ZFYVE9: variants seen among roughly 807,000 people sequenced by gnomAD.
ZFYVE9 encodes the protein zinc finger FYVE domain-containing protein 9.
ZFYVE9 carries 43 observed loss-of-function variants against 126.7 expected under a neutral mutation model. The ratio of observed to expected loss-of-function variants is 0.34; its 90% CI spans 0.27 to 0.44. The LOEUF (loss-of-function observed/expected upper bound fraction) is 0.44, where lower values mean the gene tolerates loss of function less well. Among genes scored for constraint, ZFYVE9 ranks in the 20% least tolerant of loss-of-function variants. The pLI is 1.00. For missense variants in ZFYVE9, 1,476 were observed against 1,697.0 expected (o/e 0.87, Z 2.29); for synonymous variants, 521 against 597.4 (o/e 0.87, Z 1.87).
At chr1:52,280,411 C>A (rs898704287) in intron 9 of ZFYVE9, among the ~76,000 whole-genome samples, 1 of 151,356 alleles carries the variant, frequency 6.6e-6, no homozygotes, top group Non-Finnish European at 1.5e-5. Context: ...AACCTAGATT[C>A]TTGAAGTATA....
chr1:52,203,498 T>TA (rs1335520266), intron 1 of ZFYVE9, among the ~76,000 whole-genome samples: 5 of 139,682 alleles, frequency 3.6e-5, no homozygotes, highest in Non-Finnish European at 4.6e-5. Flanking sequence ...TTTAAGAGAT[T>TA]AAAAAAATTT....
intron 4 of ZFYVE9, among the ~76,000 whole-genome samples, chr1:52,240,263 TAAGG>T (rs1222763051): frequency 2.0e-5 from 3 of 152,204 alleles, no homozygotes; most frequent in Non-Finnish European, 4.4e-5. Context: ...GAGTTGTAAA[TAAGG>T]AAGGAAGGAG....
intron 13 of ZFYVE9, among the ~76,000 whole-genome samples, chr1:52,322,851 C>G (rs921714200): frequency 4.0e-5 from 6 of 150,600 alleles, no homozygotes; most frequent in Non-Finnish European, 7.4e-5. Context: ...ATCGCCCAGG[C>G]TGGAGTGCAG....
intron 1 of ZFYVE9, among the ~76,000 whole-genome samples, chr1:52,193,819 T>C (rs1288772): frequency 0.97 from 146,707 of 151,846 alleles, 70,887 homozygotes; most frequent in East Asian, 1. Flanking sequence ...CACACACACA[T>C]GTGTCCAAGG....
chr1:52,144,075 G>A (rs949192707), intron 1 of ZFYVE9, among the ~76,000 whole-genome samples: 2 of 152,160 alleles, frequency 1.3e-5, no homozygotes, highest in African/African-American at 4.8e-5. Flanking sequence ...ACGTAAGCAA[G>A]ATGCCCCTCT....
chr1:52,183,607 A>G (rs928803529), intron 1 of ZFYVE9, among the ~76,000 whole-genome samples: 2 of 151,736 alleles, frequency 1.3e-5, no homozygotes, highest in Non-Finnish European at 2.9e-5. Context: ...GGTTCAAGTA[A>G]TTCTCCTGTC....
At chr1:52,180,602 A>T (rs973135066) in intron 1 of ZFYVE9, 6 of 556,216 alleles carry the variant, frequency 1.1e-5, no homozygotes, top group East Asian at 3.1e-5. Context: ...TGGATTTTTT[A>T]AAAAAGGATA....
chr1:52,280,312 G>A (rs955978725), intron 9 of ZFYVE9, among the ~76,000 whole-genome samples: 5 of 151,432 alleles, frequency 3.3e-5, no homozygotes, highest in South Asian at 2.1e-4. Flanking sequence ...CCCAGGAGAC[G>A]GAGGTTGCAG....
chr1:52,171,407 CAT>C (rs1220087347), intron 1 of ZFYVE9, among the ~76,000 whole-genome samples: 1 of 152,158 alleles, frequency 6.6e-6, no homozygotes, highest in Admixed American at 6.5e-5. Context: ...CATTGTTGGA[CAT>C]TTGGGTTGGT....
intron 2 of ZFYVE9, among the ~76,000 whole-genome samples, chr1:52,222,489 C>T (rs567700489): frequency 9.2e-5 from 14 of 152,264 alleles, no homozygotes; most frequent in Middle Eastern, 3.4e-3. Flanking sequence ...ACAGGGTGGG[C>T]GGTTTGAACT....
intron 4 of ZFYVE9, among the ~76,000 whole-genome samples, chr1:52,242,591 A>G (rs956612272): frequency 4.6e-5 from 7 of 152,088 alleles, no homozygotes; most frequent in African/African-American, 1.4e-4. Context: ...GATGGTATCA[A>G]ATTTAGATAT....
At chr1:52,319,993 C>CA (rs1646223335) in intron 13 of ZFYVE9, among the ~76,000 whole-genome samples, 1 of 139,146 alleles carries the variant, frequency 7.2e-6, no homozygotes, top group African/African-American at 2.7e-5. Flanking sequence ...AGCCTGGTGA[C>CA]AGAGAGGGGG....
At chr1:52,271,283 A>G (rs1226351324) in intron 7 of ZFYVE9, among the ~76,000 whole-genome samples, 3 of 152,196 alleles carry the variant, frequency 2.0e-5, no homozygotes, top group African/African-American at 7.2e-5. Flanking sequence ...ACATTGTGCA[A>G]CACTCTAATA....
intron 13 of ZFYVE9, among the ~76,000 whole-genome samples, chr1:52,305,920 G>C (rs985178618): frequency 6.6e-6 from 1 of 152,172 alleles, no homozygotes; most frequent in Non-Finnish European, 1.5e-5. Context: ...TCTGGACTTT[G>C]GGCACTGACA....
chr1:52,282,504 A>G lies in ZFYVE9; in HGVS notation c.3025+688A>G, dbSNP rs1203099382. ...AGTACATAATATCTGTATTTGATAA[A>G]TAGGGTTTATCTTTGAGGAAGAAGG... On this transcript the variant is annotated intron_variant, in intron 10 of 18. Transcript: ENST00000287727. Among the ~76,000 whole-genome samples the G allele has an allele frequency of 2.0e-5, 3 of 152,308 alleles. No homozygotes were observed. In the East Asian group the frequency reaches 5.8e-4, roughly 29 times the overall value.
At chr1:52,236,895 A>C (rs1645277777) in intron 3 of ZFYVE9, among the ~76,000 whole-genome samples, 1 of 152,146 alleles carries the variant, frequency 6.6e-6, no homozygotes, top group African/African-American at 2.4e-5. Flanking sequence ...ATATGCTGCC[A>C]TTTTGTTTCA....
At chr1:52,281,411 G>A (rs1645803787) in intron 9 of ZFYVE9, among the ~76,000 whole-genome samples, 1 of 152,152 alleles carries the variant, frequency 6.6e-6, no homozygotes, top group South Asian at 2.1e-4. Flanking sequence ...GGGATTACAG[G>A]CGTGAGCCAC....
At chr1:52,246,896 C>G (rs539254414) in intron 4 of ZFYVE9, among the ~76,000 whole-genome samples, 3 of 151,840 alleles carry the variant, frequency 2.0e-5, no homozygotes, top group Non-Finnish European at 4.4e-5. Context: ...TTAGTAGAGA[C>G]GGGGTTTCAT....
At chr1:52,246,261 A>C (rs1039985744) in intron 4 of ZFYVE9, among the ~76,000 whole-genome samples, 2 of 152,202 alleles carry the variant, frequency 1.3e-5, no homozygotes, top group African/African-American at 4.8e-5. Flanking sequence ...CAAATGCCTT[A>C]AATACTATTT....
Sources: gnomAD v4.1 joint callset for allele counts (sites outside exome capture counted in the v4.1 genomes callset) on GRCh38, gnomAD v4.1.1 for gene constraint, MANE v1.5 for transcripts, NCBI Gene and HGNC (gene_info 2026-07-23, HGNC 2026-07-21) for gene names.